The following PRKD1 variants were observed in gnomAD, a reference collection of about 807,000 sequenced individuals.
PRKD1 encodes the protein serine/threonine-protein kinase D1.
A neutral mutation model predicts 95.9 loss-of-function variants in PRKD1; 63 were observed. The observed-to-expected ratio is 0.66, with a 90% CI of 0.54 to 0.81. The LOEUF (loss-of-function observed/expected upper bound fraction) is 0.81, where lower values mean the gene tolerates loss of function less well. Among genes scored for constraint, PRKD1 ranks in the 30% least tolerant of loss-of-function variants. The pLI is 0.00. For synonymous variants in PRKD1, 425 were observed against 423.1 expected (o/e 1.00, Z -0.05); for missense variants, 1,048 against 1,165.3 (o/e 0.90, Z 1.47).
chr14:29,675,084 T>C (rs901043487), intron 2 of PRKD1, among the ~76,000 whole-genome samples: 3 of 152,188 alleles, frequency 2.0e-5, no homozygotes, highest in Admixed American at 1.3e-4. Context: ...TGTGCAGGAA[T>C]TGTCCCGGCT....
At chr14:29,647,131 T>C (rs1237827688) in intron 4 of PRKD1, among the ~76,000 whole-genome samples, 1 of 152,192 alleles carries the variant, frequency 6.6e-6, no homozygotes, top group African/African-American at 2.4e-5. Flanking sequence ...TACTGTGTTA[T>C]ACCATGGAGA....
intron 2 of PRKD1, among the ~76,000 whole-genome samples, chr14:29,682,536 TGCTTTATTAAATG>T (rs1352301730): frequency 1.3e-5 from 2 of 152,192 alleles, no homozygotes; most frequent in Admixed American, 1.3e-4. Flanking sequence ...ATCCCTTCCT[TGCTTTATTAAATG>T]GCTTTATGTT....
chr14:29,744,488 T>C (rs1887121876), intron 1 of PRKD1, among the ~76,000 whole-genome samples: 1 of 152,278 alleles, frequency 6.6e-6, no homozygotes, highest in East Asian at 1.9e-4. Flanking sequence ...ACAAGCCACC[T>C]GCCCCTACTC....
At chr14:29,883,163 T>C (rs955950091) in intron 1 of PRKD1, among the ~76,000 whole-genome samples, 3 of 152,062 alleles carry the variant, frequency 2.0e-5, no homozygotes, top group Non-Finnish European at 4.4e-5. Context: ...TGCCATCCAC[T>C]TAAAAAACCA....
At chr14:29,761,333 C>A (rs74318975) in intron 1 of PRKD1, among the ~76,000 whole-genome samples, 15,146 of 152,182 alleles carry the variant, frequency 0.1, 960 homozygotes, top group East Asian at 0.22. Context: ...GAGTTCAATG[C>A]CCAAATTCAT....
rs574904472 is a variant in PRKD1, at chr14:29,895,777, C to A, written c.264+31472G>T. On this transcript the variant is annotated intron_variant, in intron 1 of 17. Coordinates refer to ENST00000331968, the MANE Select transcript of PRKD1 (RefSeq NM_002742.3). ...ACATGTCCACACGGCTGCTCCTTCA[C>A]CTCATTTGAGTCTTTACTCAAATGT... Among the ~76,000 whole-genome samples, 21 of 152,304 alleles carry A rather than the reference C, an allele frequency of 1.4e-4. No individual in the cohort carries two copies. The East Asian group carries it at 3.7e-3, about 27-fold the overall frequency.
At chr14:29,844,517 G>C (rs774612606) in intron 1 of PRKD1, among the ~76,000 whole-genome samples, 8 of 152,090 alleles carry the variant, frequency 5.3e-5, no homozygotes, top group Non-Finnish European at 1.2e-4. Context: ...GGAAAACAAT[G>C]AGCACATACG....
At chr14:29,606,609 G>C (rs1877992196) in intron 13 of PRKD1, among the ~76,000 whole-genome samples, 3 of 152,078 alleles carry the variant, frequency 2.0e-5, no homozygotes, top group African/African-American at 7.2e-5. Flanking sequence ...AAGCCACCAG[G>C]AAACAGTTAT....
chr14:29,640,204 T>C (rs1007374510), intron 4 of PRKD1, among the ~76,000 whole-genome samples: 4 of 152,248 alleles, frequency 2.6e-5, no homozygotes, highest in East Asian at 1.9e-4. Context: ...TGCTAGTAAA[T>C]AGTGCAGCCA....
chr14:29,763,212 G>C (rs1047011129), intron 1 of PRKD1, among the ~76,000 whole-genome samples: 2 of 149,658 alleles, frequency 1.3e-5, no homozygotes, highest in Admixed American at 1.3e-4. Flanking sequence ...TGGGGGAAAC[G>C]GTTGAGCCCA....
At chr14:29,669,941 AC>A (rs1412514454) in intron 2 of PRKD1, among the ~76,000 whole-genome samples, 1 of 152,180 alleles carries the variant, frequency 6.6e-6, no homozygotes, top group African/African-American at 2.4e-5. Flanking sequence ...TCACCCATAA[AC>A]ACACATTATT....
intron 1 of PRKD1, among the ~76,000 whole-genome samples, chr14:29,869,401 T>C (rs542211490): frequency 6.6e-6 from 1 of 151,360 alleles, no homozygotes; most frequent in East Asian, 1.9e-4. Context: ...GATCGCACCA[T>C]TGTACCCCAG....
At chr14:29,913,170 G>T (rs1463903580) in intron 1 of PRKD1, among the ~76,000 whole-genome samples, 2 of 152,242 alleles carry the variant, frequency 1.3e-5, no homozygotes, top group Admixed American at 6.5e-5. Context: ...ACCTAAGTAG[G>T]GTGTTTGTTT....
intron 2 of PRKD1, among the ~76,000 whole-genome samples, chr14:29,703,249 T>C (rs1210150745): frequency 6.6e-6 from 1 of 152,172 alleles, no homozygotes; most frequent in Non-Finnish European, 1.5e-5. Flanking sequence ...CTACTAGACT[T>C]TGGAATAAAG....
At chr14:29,593,196 G>C (rs1893189733) in intron 16 of PRKD1, among the ~76,000 whole-genome samples, 1 of 152,092 alleles carries the variant, frequency 6.6e-6, no homozygotes, top group African/African-American at 2.4e-5. Context: ...GTAAAAGTGT[G>C]AGCTATTCAT....
intron 1 of PRKD1, among the ~76,000 whole-genome samples, chr14:29,756,417 A>G (rs1887699430): frequency 6.6e-6 from 1 of 152,266 alleles, no homozygotes; most frequent in East Asian, 1.9e-4. Context: ...TTGTGTGTGC[A>G]TGTGTGTGTG....
intron 4 of PRKD1, among the ~76,000 whole-genome samples, chr14:29,652,561 A>G (rs188555783): frequency 3.5e-4 from 54 of 152,326 alleles, no homozygotes; most frequent in African/African-American, 1.2e-3. Context: ...ACATAGTCTC[A>G]GGAAGCAGGG....
chr14:29,586,689 T>A (rs1476846027), intron 16 of PRKD1, among the ~76,000 whole-genome samples: 1 of 152,188 alleles, frequency 6.6e-6, no homozygotes, highest in African/African-American at 2.4e-5. Flanking sequence ...TTGCCCAGGC[T>A]GGAGTGCAAT....
chr14:29,894,059 T>C (rs1264309504), intron 1 of PRKD1, among the ~76,000 whole-genome samples: 2 of 152,072 alleles, frequency 1.3e-5, no homozygotes, highest in Non-Finnish European at 2.9e-5. Context: ...AAAAGAAAAA[T>C]TCAGTGAGAA....
Sources: gnomAD v4.1 joint callset for allele counts (sites outside exome capture counted in the v4.1 genomes callset) on GRCh38, gnomAD v4.1.1 for gene constraint, MANE v1.5 for transcripts, NCBI Gene and HGNC (gene_info 2026-07-23, HGNC 2026-07-21) for gene names.